UNC13C: variants seen among roughly 807,000 people sequenced by gnomAD.
UNC13C encodes protein unc-13 homolog C.
UNC13C carries 174 observed loss-of-function variants against 245.4 expected under a neutral mutation model. The ratio of observed to expected loss-of-function variants is 0.71; its 90% CI spans 0.63 to 0.80. The LOEUF (loss-of-function observed/expected upper bound fraction) is 0.80. UNC13C is among the 30% of genes least tolerant of loss of function. The probability of loss-of-function intolerance (pLI) is 0.00; values close to 1 mark genes in which losing one functional copy is unlikely to be tolerated. For synonymous variants in UNC13C, 992 were observed against 895.1 expected, an observed-to-expected ratio of 1.11 and a Z score of -1.93; for missense variants, 2,829 against 2,602.9, an observed-to-expected ratio of 1.09 and a Z score of -1.89.
At position 54,501,680 on chromosome 15, in the gene UNC13C, G is replaced by A. The variant is rs144662936; in HGVS notation, c.5301+702G>A. ...ATGACGTGAAAAGGGACACAATTCAGCTTCAAGCTTAGTGAGATCAACCGT... is the reference window on the plus strand; with the variant it reads ...ATGACGTGAAAAGGGACACAATTCAACTTCAAGCTTAGTGAGATCAACCGT... On this transcript the variant is annotated intron_variant, in intron 22 of 32. Coordinates refer to ENST00000260323, the MANE Select transcript of UNC13C (RefSeq NM_001080534.3). Among the ~76,000 whole-genome samples, 1,196 of 152,240 alleles carry A rather than the reference G, an allele frequency of 7.9e-3. 10 individuals carry two copies. The highest frequency in any genetic ancestry group is 0.027 in the African/African-American group (1,119 of 41,554).
chr15:54,497,677 T>C (rs1476469590), intron 20 of UNC13C, among the ~76,000 whole-genome samples: 1 of 152,110 alleles, frequency 6.6e-6, no homozygotes, highest in Non-Finnish European at 1.5e-5. Context: ...GTCCCCTTTG[T>C]GCCTACTTAC....
At chr15:54,328,822 G>GA (rs922772824) in intron 14 of UNC13C, among the ~76,000 whole-genome samples, 1 of 151,500 alleles carries the variant, frequency 6.6e-6, no homozygotes, top group African/African-American at 2.4e-5. Context: ...TTCTAATGTT[G>GA]AAAAAAAATT....
At chr15:54,343,563 T>G (rs1384949754) in intron 17 of UNC13C, among the ~76,000 whole-genome samples, 1 of 152,208 alleles carries the variant, frequency 6.6e-6, no homozygotes, top group Non-Finnish European at 1.5e-5. Flanking sequence ...CAGCCATCCT[T>G]TTTCACATCC....
chr15:53,963,361 C>A, the UNC13C span, among the ~76,000 whole-genome samples: 9 of 152,148 alleles, frequency 5.9e-5, no homozygotes, highest in Admixed American at 5.9e-4. Context: ...CAATGAAATT[C>A]ATTAAGCTTT....
intron 4 of UNC13C, among the ~76,000 whole-genome samples, chr15:54,168,255 C>T (rs1400164753): frequency 6.8e-6 from 1 of 146,616 alleles, no homozygotes; most frequent in Non-Finnish European, 1.5e-5. Flanking sequence ...TGGCTACTTT[C>T]GCTGGTTTAC....
At chr15:54,625,680 G>T (rs1381631060) in intron 32 of UNC13C, among the ~76,000 whole-genome samples, 1 of 152,032 alleles carries the variant, frequency 6.6e-6, no homozygotes, top group Non-Finnish European at 1.5e-5. Context: ...TCAGCACTCT[G>T]CTCTGAATAT....
At chr15:54,438,469 G>A (rs562604309) in intron 19 of UNC13C, among the ~76,000 whole-genome samples, 8 of 151,928 alleles carry the variant, frequency 5.3e-5, no homozygotes, top group African/African-American at 1.4e-4. Context: ...AGATTTAAAC[G>A]GGGTTGACCA....
At chr15:54,183,012 GT>G (rs2033851606) in intron 4 of UNC13C, among the ~76,000 whole-genome samples, 1 of 151,916 alleles carries the variant, frequency 6.6e-6, no homozygotes, top group African/African-American at 2.4e-5. Flanking sequence ...GAGTATTCAT[GT>G]TTTAATATCT....
intron 30 of UNC13C, among the ~76,000 whole-genome samples, chr15:54,602,274 G>A (rs1348327099): frequency 1.3e-5 from 2 of 152,098 alleles, no homozygotes; most frequent in Non-Finnish European, 2.9e-5. Flanking sequence ...TACACACTAC[G>A]CAGAGTAACT....
At position 54,555,529 on chromosome 15, in the gene UNC13C, C is replaced by T. The variant is rs138783516; in HGVS notation, c.5958+17C>T. On this transcript the variant is annotated intron_variant, in intron 29 of 32. Coordinates refer to ENST00000260323, the MANE Select transcript of UNC13C (RefSeq NM_001080534.3). ...ACCATCAAGGTGAGATTATAATGCT[C>T]CTATATATACATCGAGAGAGGCCCC... 6.8e-4 allele frequency: 1,079 copies of T among 1,592,052 alleles called. 9 individuals carry two copies. In the African/African-American group the frequency reaches 0.013, roughly 19 times the overall value.
At position 54,425,706 on chromosome 15, in the gene UNC13C, A is replaced by T. The variant is rs139391268; in HGVS notation, c.4933+10639A>T. ...GGTAGCTAAGGTTCAGAGAAGAATG[A>T]CTACTAGCCAGCTATTTTTTCCTCT... On this transcript the variant is annotated intron_variant, in intron 19 of 32. Transcript: ENST00000260323. Among the ~76,000 whole-genome samples, 478 of 151,998 alleles carry T rather than the reference A, an allele frequency of 3.1e-3. 1 individual carries two copies. The highest frequency in any genetic ancestry group is 0.011 in the African/African-American group (458 of 41,526).
chr15:54,034,973 CA>C (rs1376820433), intron 2 of UNC13C, among the ~76,000 whole-genome samples: 1 of 152,150 alleles, frequency 6.6e-6, no homozygotes, highest in Non-Finnish European at 1.5e-5. Flanking sequence ...TCCCAATGAC[CA>C]CTTCAAAATG....
intron 18 of UNC13C, among the ~76,000 whole-genome samples, chr15:54,402,735 C>T (rs2040212434): frequency 1.3e-5 from 2 of 152,022 alleles, no homozygotes; most frequent in Admixed American, 1.3e-4. Flanking sequence ...CGCAAAATGA[C>T]TTATCTAGTA....
chr15:53,976,013 T>C (rs1274626480), upstream of UNC13C, among the ~76,000 whole-genome samples: 1 of 152,206 alleles, frequency 6.6e-6, no homozygotes, highest in Non-Finnish European at 1.5e-5. Flanking sequence ...GCTCTTACTG[T>C]TGAAATCTCA....
intron 1 of UNC13C, among the ~76,000 whole-genome samples, chr15:53,981,849 C>T (rs983794474): frequency 6.6e-6 from 1 of 152,132 alleles, no homozygotes; most frequent in African/African-American, 2.4e-5. Flanking sequence ...AATCGTTTCT[C>T]CATCTCTTGT....
At chr15:54,507,774 A>G (rs1489516835) in intron 23 of UNC13C, among the ~76,000 whole-genome samples, 1 of 152,080 alleles carries the variant, frequency 6.6e-6, no homozygotes, top group Non-Finnish European at 1.5e-5. Context: ...ATGGAAGGTG[A>G]AAGCTTTCTT....
At chr15:54,621,760 G>T (rs1900809137) in intron 30 of UNC13C, among the ~76,000 whole-genome samples, 1 of 152,186 alleles carries the variant, frequency 6.6e-6, no homozygotes, top group South Asian at 2.1e-4. Context: ...CGAAATCACA[G>T]GCCCTTTCCA....
intron 19 of UNC13C, among the ~76,000 whole-genome samples, chr15:54,449,249 T>A (rs1433366797): frequency 2.6e-5 from 4 of 152,140 alleles, no homozygotes; most frequent in African/African-American, 4.8e-5. Flanking sequence ...GACAATTATG[T>A]GTCTTGGAGT....
chr15:53,857,121 C>T, the UNC13C span, among the ~76,000 whole-genome samples: 3 of 152,158 alleles, frequency 2.0e-5, no homozygotes, highest in East Asian at 5.8e-4. Context: ...CTGTACCTAA[C>T]TTCCATTTTC....
Sources: allele counts gnomAD v4.1 joint callset (sites outside exome capture counted in the v4.1 genomes callset), GRCh38; gene constraint gnomAD v4.1.1; transcripts MANE v1.5; gene names NCBI Gene and HGNC (gene_info 2026-07-23, HGNC 2026-07-21).